Variants in SORCS2 observed in about 807,000 individuals in gnomAD.
SORCS2 encodes the protein sortilin related VPS10 domain containing receptor 2.
In SORCS2, 100 loss-of-function variants were observed where a neutral mutation model predicts 141.6. The observed-to-expected ratio is 0.71, with a 90% CI of 0.60 to 0.83. The LOEUF (loss-of-function observed/expected upper bound fraction) is 0.83. Ranked by LOEUF, SORCS2 falls within the 40% of genes least tolerant of loss-of-function variation. SORCS2 has a pLI of 0.00. For synonymous variants in SORCS2, 789 were observed against 676.9 expected (o/e 1.17, Z -2.57); for missense variants, 1,646 against 1,560.2 (o/e 1.05, Z -0.93).
At chr4:7,422,391 C>T (rs1485084739) in intron 2 of SORCS2, among the ~76,000 whole-genome samples, 3 of 152,164 alleles carry the variant, frequency 2.0e-5, no homozygotes, top group Non-Finnish European at 4.4e-5. Context: ...CCTGGGCAGG[C>T]CCCTCCCGTG....
At chr4:7,593,945 A>G (rs1717085857) in intron 3 of SORCS2, among the ~76,000 whole-genome samples, 1 of 152,158 alleles carries the variant, frequency 6.6e-6, no homozygotes, top group African/African-American at 2.4e-5. Flanking sequence ...TGAAGACCAA[A>G]TGGGCATTTA....
chr4:7,723,747 G>C lies in SORCS2; in HGVS notation c.2475G>C (p.Lys825Asn), dbSNP rs1187705086. 1 of 1,614,044 alleles carries C rather than the reference G, an allele frequency of 6.2e-7. No individual in the cohort carries two copies. Among genetic ancestry groups the C allele is most frequent in the Non-Finnish European group, 8.5e-7 (1 of 1,179,904 alleles). The change falls in exon 19 of 27, where the codon AAG becomes AAC. Residue 825 changes from lysine (K) to asparagine (N), a missense_variant. Coordinates refer to ENST00000507866, the MANE Select transcript of SORCS2 (RefSeq NM_020777.3). Reference sequence around the variant, plus strand: ...AGGTAGACCTTGGGGACGGCTTCAAGGCCATGTACGTGAACCTTACACTGA... The same window carrying C: ...AGGTAGACCTTGGGGACGGCTTCAACGCCATGTACGTGAACCTTACACTGA... Reference protein sequence around the residue: ...KYQVDLGDGFKAMYVNLTLTG... With the variant: ...KYQVDLGDGFNAMYVNLTLTG...
chr4:7,488,891 C>G (rs1193925543), intron 2 of SORCS2, among the ~76,000 whole-genome samples: 5 of 152,262 alleles, frequency 3.3e-5, no homozygotes, highest in Non-Finnish European at 7.3e-5. Context: ...ACTTCTGAGG[C>G]AGCTAAGTCC....
intron 1 of SORCS2, among the ~76,000 whole-genome samples, chr4:7,296,907 A>G (rs1717103951): frequency 6.6e-6 from 1 of 152,190 alleles, no homozygotes; most frequent in African/African-American, 2.4e-5. Context: ...CCTCTGGCCA[A>G]GGTCCGCGTG....
intron 1 of SORCS2, among the ~76,000 whole-genome samples, chr4:7,213,471 G>A (rs1418368436): frequency 1.3e-5 from 2 of 152,232 alleles, no homozygotes; most frequent in African/African-American, 2.4e-5. Context: ...GCAGACCACC[G>A]ATGGTGGTTG....
At position 7,664,859 on chromosome 4, in the gene SORCS2, C is replaced by T. The variant is rs998565520; in HGVS notation, c.1071+388C>T. Among the ~76,000 whole-genome samples, 5 of 152,220 alleles carry T rather than the reference C, an allele frequency of 3.3e-5. No individual in the cohort carries two copies. Among genetic ancestry groups the T allele is most frequent in the African/African-American group, 9.6e-5 (4 of 41,452 alleles). On this transcript the variant is annotated intron_variant, in intron 7 of 26. Transcript: ENST00000507866. The surrounding 1 kb of genome is among the most constrained non-coding windows in gnomAD (Gnocchi z 4.7). ...TATCCACAGCCCTGTGACCAGGACT[C>T]TGCTGCCTGTGCCCTCAGGTCACAA... is the stretch of plus-strand genomic sequence containing the variant.
chr4:7,428,915 C>A (rs886986699), intron 2 of SORCS2, among the ~76,000 whole-genome samples: 2 of 152,122 alleles, frequency 1.3e-5, no homozygotes, highest in African/African-American at 2.4e-5. Context: ...CAGGAAGGCA[C>A]CTCTTCACCA....
intron 1 of SORCS2, among the ~76,000 whole-genome samples, chr4:7,392,932 G>C (rs1172282169): frequency 6.6e-6 from 1 of 151,314 alleles, no homozygotes; most frequent in Non-Finnish European, 1.5e-5. Flanking sequence ...GAGTGGATGA[G>C]TCGATGCTTG....
At chr4:7,476,250 C>T (rs1336602332) in intron 2 of SORCS2, among the ~76,000 whole-genome samples, 3 of 152,180 alleles carry the variant, frequency 2.0e-5, no homozygotes. Context: ...TACACATAGA[C>T]ACAGATTGAT....
chr4:7,641,265 G>T (rs1473286760), intron 4 of SORCS2, among the ~76,000 whole-genome samples: 3 of 152,196 alleles, frequency 2.0e-5, no homozygotes, highest in Non-Finnish European at 2.9e-5. Context: ...CCACATGGGT[G>T]GGGAGGCCTC....
At chr4:7,602,595 C>T (rs901444001) in intron 3 of SORCS2, among the ~76,000 whole-genome samples, 16 of 147,112 alleles carry the variant, frequency 1.1e-4, no homozygotes, top group South Asian at 6.5e-4. Context: ...ACTTCCTTGA[C>T]GGGATGACTG....
intron 25 of SORCS2, 72 bp from the exon 26 acceptor site, chr4:7,736,997 A>G: frequency 6.5e-7 from 1 of 1,533,238 alleles, no homozygotes; most frequent in Non-Finnish European, 8.8e-7. Flanking sequence ...TCAGGCGGCC[A>G]GCGGAAGGCT....
rs765978793 is a variant in SORCS2 at position 7,724,442 on chromosome 4, CA to C, written c.2611+561del. On this transcript the variant is annotated intron_variant, in intron 19 of 26. Coordinates refer to ENST00000507866, the MANE Select transcript of SORCS2 (RefSeq NM_020777.3). ...TGGATGGTGGTGGTGATAATGGTGA[CA>C]ATGGTGGTGGTGATGGTGGTGGTGA... 3.4e-3 allele frequency among the ~76,000 whole-genome samples: 181 copies of C among 52,656 alleles called. 2 individuals carry two copies. Among genetic ancestry groups the C allele is most frequent in the Non-Finnish European group, 4.4e-3 (117 of 26,398 alleles). The allele number at this position is 52,656 out of a possible 152,430, so 34.5% of individuals were successfully genotyped here. A position where few individuals can be genotyped will look rare whatever the true frequency, so the allele number is the denominator to read the frequency against.
At position 7,598,130 on chromosome 4, in the gene SORCS2, G is replaced by A. The variant is rs1260608564; in HGVS notation, c.649-40198G>A. Among the ~76,000 whole-genome samples, 17 of 152,042 alleles carry A rather than the reference G, an allele frequency of 1.1e-4. 1 individual carries two copies. Among genetic ancestry groups the A allele is most frequent in the Admixed American group, 7.9e-4 (12 of 15,268 alleles). On this transcript the variant is annotated intron_variant, in intron 3 of 26. Coordinates refer to ENST00000507866, the MANE Select transcript of SORCS2 (RefSeq NM_020777.3). ...ATTACAGGCGTAAGCCACCCTGCCC[G>A]GCTAATTTTTGTATTTTTAGAAGAG...
At chr4:7,464,488 A>G (rs1381348416) in intron 2 of SORCS2, among the ~76,000 whole-genome samples, 5 of 152,188 alleles carry the variant, frequency 3.3e-5, no homozygotes, top group Non-Finnish European at 5.9e-5. Context: ...GGAATGCCAC[A>G]CTAACTAGCT....
intron 11 of SORCS2, among the ~76,000 whole-genome samples, chr4:7,693,191 ATCTTCACCCTTTC>A (rs1287570695): frequency 6.6e-6 from 1 of 151,544 alleles, no homozygotes; most frequent in Non-Finnish European, 1.5e-5. Context: ...TTTCTTCCTC[ATCTTCACCCTTTC>A]TTCCTCATCT....
Position 7,192,751 on chromosome 4 carries a change from G to T in SORCS2, c.105G>T (p.Pro35=), listed in dbSNP as rs1726919028. The stretch of plus-strand genomic sequence containing the variant: ...CGCCGCGCTCGCCGCGCTCGCGGCC[G>T]CTCCTGCTGCTGCTGCTGCTGCTGG... ...PPPPRSPRSR[P]LLLLLLLLGA... Residue 35 remains proline (P), a synonymous_variant, in exon 1 of 27, where the codon CCG becomes CCT. Coordinates refer to ENST00000507866, the MANE Select transcript of SORCS2 (RefSeq NM_020777.3). This position sits in a 1 kb window ranked among gnomAD's most constrained non-coding sequence, Gnocchi z 4.0. 3 of 997,548 alleles carry T rather than the reference G, an allele frequency of 3.0e-6. No individual in the cohort carries two copies. Among genetic ancestry groups the T allele is most frequent in the Non-Finnish European group, 3.6e-6 (3 of 840,256 alleles). The allele number at this position is 997,548 out of a possible 1,614,324, so 61.8% of individuals were successfully genotyped here.
chr4:7,290,685 A>T (rs951428471), intron 1 of SORCS2, among the ~76,000 whole-genome samples: 1 of 152,176 alleles, frequency 6.6e-6, no homozygotes, highest in African/African-American at 2.4e-5. Context: ...ACACATGTGC[A>T]TTATGTATGT....
intron 2 of SORCS2, among the ~76,000 whole-genome samples, chr4:7,469,141 G>A (rs977391153): frequency 6.7e-6 from 1 of 150,042 alleles, no homozygotes; most frequent in African/African-American, 2.5e-5. Flanking sequence ...GGTCATGGTG[G>A]TGATGATGAT....
Sources: allele counts gnomAD v4.1 joint callset (sites outside exome capture counted in the v4.1 genomes callset), GRCh38; gene constraint gnomAD v4.1.1; non-coding constraint Gnocchi (gnomAD v3.1); transcripts MANE v1.5; gene names NCBI Gene and HGNC (gene_info 2026-07-23, HGNC 2026-07-21).